RBFOX1: variants seen among roughly 807,000 people sequenced by gnomAD.
The protein encoded by RBFOX1 is RNA binding protein fox-1 homolog 1.
Under a neutral mutation model 57.7 loss-of-function variants are expected in RBFOX1, and 8 were observed. The ratio of observed to expected loss-of-function variants is 0.14; its 90% CI spans 0.08 to 0.25. RBFOX1 has a LOEUF of 0.25. RBFOX1 is among the 10% of genes least tolerant of loss of function. The probability of loss-of-function intolerance (pLI) is 1.00; values close to 1 mark genes in which losing one functional copy is unlikely to be tolerated. For missense variants in RBFOX1, 611 were observed against 548.5 expected (o/e 1.11, Z -1.14); for synonymous variants, 326 against 222.4 (o/e 1.47, Z -4.15).
intron 4 of RBFOX1, among the ~76,000 whole-genome samples, chr16:7,184,707 A>C (rs2083380698): frequency 6.6e-6 from 1 of 152,176 alleles, no homozygotes; most frequent in African/African-American, 2.4e-5. Flanking sequence ...CTCTTGTGAA[A>C]CTTCTCTAAA....
intron 2 of RBFOX1, among the ~76,000 whole-genome samples, chr16:6,531,657 T>C (rs1223931368): frequency 1.3e-5 from 2 of 152,206 alleles, no homozygotes; most frequent in East Asian, 3.8e-4. Flanking sequence ...GCATATGTTG[T>C]CTAGTAGCCC....
intron 3 of RBFOX1, among the ~76,000 whole-genome samples, chr16:6,894,287 C>A (rs569432648): frequency 6.6e-6 from 1 of 152,138 alleles, no homozygotes; most frequent in African/African-American, 2.4e-5. Context: ...GTCTCTATTT[C>A]CAAGGGGTGG....
intron 3 of RBFOX1, among the ~76,000 whole-genome samples, chr16:5,826,284 G>T (rs2056051487): frequency 6.6e-6 from 1 of 151,742 alleles, no homozygotes; most frequent in Non-Finnish European, 1.5e-5. Context: ...GAAATATACT[G>T]TGCCCCTCAA....
intron 3 of RBFOX1, among the ~76,000 whole-genome samples, chr16:6,840,869 G>T (rs1165011810): frequency 7.7e-6 from 1 of 129,836 alleles, no homozygotes; most frequent in Admixed American, 8.7e-5. Context: ...CCTGGGCGAC[G>T]AAAGTGAGAC....
In RBFOX1 at chr16:6,819,724, AAAAAAAATAAC is replaced by A. The variant is rs1351804493; in HGVS notation, c.-16+165077_-16+165087del. Among the ~76,000 whole-genome samples, 36 of 144,088 alleles carry A rather than the reference AAAAAAAATAAC, an allele frequency of 2.5e-4. 1 individual carries two copies. Among genetic ancestry groups the A allele is most frequent in the East Asian group, 6.1e-4 (3 of 4,924 alleles). 94.5% of individuals were successfully genotyped at this position (144,088 alleles called of 152,430 possible). A position where few individuals can be genotyped will look rare whatever the true frequency, so the allele number is the denominator to read the frequency against. ...CTGACTCAAAAAAAAAAAAAAAAAA[AAAAAAAATAAC>A]AACACCAAAAGGTATATAGTATAAC... On this transcript the variant is annotated intron_variant, in intron 3 of 15. Transcript: ENST00000550418.
At chr16:5,613,138 T>A (rs957067041) in intron 3 of RBFOX1, among the ~76,000 whole-genome samples, 4 of 152,142 alleles carry the variant, frequency 2.6e-5, no homozygotes, top group Non-Finnish European at 5.9e-5. Flanking sequence ...GGGGCCTCAG[T>A]TGGAGCAGGG....
chr16:5,543,708 C>G (rs1194559553), intron 2 of RBFOX1, among the ~76,000 whole-genome samples: 1 of 151,906 alleles, frequency 6.6e-6, no homozygotes, highest in Admixed American at 6.6e-5. Flanking sequence ...ACAGAAGAGA[C>G]ACGAAGAAAA....
chr16:5,318,088 C>T (rs2064291973), intron 1 of RBFOX1, among the ~76,000 whole-genome samples: 1 of 152,056 alleles, frequency 6.6e-6, no homozygotes, highest in South Asian at 2.1e-4. Context: ...TAAAGTGTCT[C>T]CTGCTAAGAC....
At chr16:5,365,403 C>G (rs2065682932) in intron 1 of RBFOX1, among the ~76,000 whole-genome samples, 1 of 152,222 alleles carries the variant, frequency 6.6e-6, no homozygotes. Flanking sequence ...CACAGTGTCT[C>G]ACACCTGTAA....
intron 1 of RBFOX1, among the ~76,000 whole-genome samples, chr16:6,297,208 A>C (rs140292512): frequency 0.013 from 1,969 of 152,168 alleles, 50 homozygotes; most frequent in African/African-American, 0.045. Context: ...TTTATCAGCA[A>C]GATCTTTATG....
intron 4 of RBFOX1, among the ~76,000 whole-genome samples, chr16:7,294,768 G>A (rs933537880): frequency 9.5e-5 from 14 of 147,026 alleles, no homozygotes; most frequent in Non-Finnish European, 1.8e-4. Flanking sequence ...TGTAAAAAAT[G>A]ATGAATATGA....
At chr16:6,480,970 C>G (rs1262813318) in intron 2 of RBFOX1, among the ~76,000 whole-genome samples, 1 of 152,172 alleles carries the variant, frequency 6.6e-6, no homozygotes, top group African/African-American at 2.4e-5. Context: ...CAACCCCATC[C>G]TGTATCACAA....
intron 9 of RBFOX1, among the ~76,000 whole-genome samples, chr16:7,601,161 C>T (rs1011694507): frequency 2.6e-5 from 4 of 152,142 alleles, no homozygotes; most frequent in Admixed American, 6.5e-5. Flanking sequence ...ACATATTCAG[C>T]GCTCCAGAGA....
Position 6,571,373 on chromosome 16 carries a change from G to C in RBFOX1, c.-63-83230G>C, listed in dbSNP as rs1027571477. 2.0e-5 allele frequency among the ~76,000 whole-genome samples: 3 copies of C among 152,138 alleles called. No homozygotes were observed. The South Asian group carries it at 6.2e-4, about 31-fold the overall frequency. ...AGAGAAGGGCACATTTGAAACCTAG[G>C]AGACCATTCCTGTCAGGAATCAATA... On this transcript the variant is annotated intron_variant, in intron 2 of 15. Transcript: ENST00000550418.
chr16:6,245,104 G>A (rs1364216186), intron 1 of RBFOX1, among the ~76,000 whole-genome samples: 1 of 152,098 alleles, frequency 6.6e-6, no homozygotes, highest in Non-Finnish European at 1.5e-5. Context: ...GCAGAACATT[G>A]CTGAATCATA....
intron 7 of RBFOX1, among the ~76,000 whole-genome samples, chr16:7,595,250 T>A (rs371829970): frequency 2.6e-5 from 4 of 152,356 alleles, no homozygotes; most frequent in African/African-American, 9.6e-5. Flanking sequence ...TTTATTTTGA[T>A]CTCATTTTCT....
chr16:6,799,723 T>G (rs1040851096), intron 3 of RBFOX1, among the ~76,000 whole-genome samples: 2 of 152,176 alleles, frequency 1.3e-5, no homozygotes, highest in Non-Finnish European at 2.9e-5. Flanking sequence ...TCTCCTGTGC[T>G]GGATACTTCT....
At chr16:6,863,161 G>C (rs557642079) in intron 3 of RBFOX1, among the ~76,000 whole-genome samples, 2 of 152,128 alleles carry the variant, frequency 1.3e-5, no homozygotes, top group African/African-American at 4.8e-5. Context: ...CAAAAGTCTA[G>C]GTGAAAAAAC....
At chr16:6,884,728 T>C (rs1348630507) in intron 3 of RBFOX1, among the ~76,000 whole-genome samples, 1 of 152,084 alleles carries the variant, frequency 6.6e-6, no homozygotes, top group Non-Finnish European at 1.5e-5. Context: ...CGAAACCCCA[T>C]CTGTACTAAA....
Sources: allele counts gnomAD v4.1 joint callset (sites outside exome capture counted in the v4.1 genomes callset), GRCh38; gene constraint gnomAD v4.1.1; transcripts MANE v1.5; gene names NCBI Gene and HGNC (gene_info 2026-07-23, HGNC 2026-07-21).